The following ST18 variants were observed in gnomAD, a reference collection of about 807,000 sequenced individuals.
ST18 encodes the protein suppression of tumorigenicity 18 protein.
In ST18, 50 loss-of-function variants were observed where a neutral mutation model predicts 110.0. That is an observed-to-expected ratio of 0.45 (90% CI 0.36 to 0.58). ST18 has a LOEUF of 0.58. ST18 is among the 20% of genes least tolerant of loss of function. The pLI is 0.00. For synonymous variants in ST18, 461 were observed against 452.4 expected (o/e 1.02, Z -0.24); for missense variants, 1,306 against 1,280.1 (o/e 1.02, Z -0.31).
At chr8:52,273,241 G>A (rs574037039) in intron 2 of ST18, among the ~76,000 whole-genome samples, 166 of 152,260 alleles carry the variant, frequency 1.1e-3, no homozygotes, top group Middle Eastern at 6.8e-3. Flanking sequence ...TCTAAGCTGG[G>A]AATCGTGGAG....
intron 2 of ST18, among the ~76,000 whole-genome samples, chr8:52,298,852 A>G (rs989388971): frequency 7.2e-5 from 11 of 152,208 alleles, no homozygotes; most frequent in African/African-American, 2.4e-4. Context: ...CACAATGAAG[A>G]TAATCTCCCC....
Position 52,113,301 on chromosome 8 carries a change from T to C in ST18, c.3041A>G (p.Asn1014Ser), listed in dbSNP as rs749777353. The C allele has an allele frequency of 3.7e-6, 6 of 1,614,014 alleles. No individual in the cohort carries two copies. The highest frequency in any genetic ancestry group is 5.1e-6 in the Non-Finnish European group (6 of 1,179,908). Residue 1014 changes from asparagine (N) to serine (S), a missense_variant, in exon 26 of 26, where the codon AAT (asparagine) becomes AGT (serine). By Grantham distance (46) the Asn-to-Ser change is conservative. Coordinates refer to ENST00000689386, the MANE Select transcript of ST18 (RefSeq NM_001352837.2). ...ISEQNFEAYVNTLTDMYSNLE... is the reference protein window; with the variant it reads ...ISEQNFEAYVSTLTDMYSNLE... ...ATTGCTGTACATATCTGTGAGTGTA[T>C]TTACATATGCTTCAAAATTCTGCTC...
At chr8:52,182,696 T>G (rs2070282074) in intron 8 of ST18, among the ~76,000 whole-genome samples, 1 of 152,074 alleles carries the variant, frequency 6.6e-6, no homozygotes, top group Non-Finnish European at 1.5e-5. Context: ...GCAAGATGAA[T>G]TAGCTCTAGA....
intron 2 of ST18, chr8:52,294,411 T>C (rs2095600853): frequency 6.6e-6 from 1 of 152,288 alleles, no homozygotes; most frequent in African/African-American, 2.4e-5. Context: ...CAGGATGCTG[T>C]GGGTTCCCCT....
chr8:52,191,676 G>A (rs958794222), intron 8 of ST18, among the ~76,000 whole-genome samples: 5 of 152,194 alleles, frequency 3.3e-5, no homozygotes, highest in African/African-American at 1.2e-4. Context: ...CAACTTAAGG[G>A]TGAGTCTGAG....
intron 23 of ST18, 131 bp from the exon 24 acceptor site, chr8:52,118,572 T>G (rs1298728601): frequency 3.9e-6 from 2 of 518,620 alleles, no homozygotes; most frequent in Non-Finnish European, 6.6e-6. Flanking sequence ...AATGCATATC[T>G]AGGATTCTGA....
intron 17 of ST18, among the ~76,000 whole-genome samples, chr8:52,140,859 A>C (rs958481041): frequency 6.6e-6 from 1 of 152,182 alleles, no homozygotes; most frequent in Non-Finnish European, 1.5e-5. Flanking sequence ...TCAAAGGATA[A>C]AATTTTGCCA....
chr8:52,297,002 C>G (rs773065052), intron 2 of ST18, among the ~76,000 whole-genome samples: 22 of 152,124 alleles, frequency 1.4e-4, no homozygotes, highest in Non-Finnish European at 3.1e-4. Context: ...ATAAGAATTA[C>G]TAGTACTTAA....
At chr8:52,248,726 T>C (rs1365826495) in intron 2 of ST18, among the ~76,000 whole-genome samples, 1 of 152,150 alleles carries the variant, frequency 6.6e-6, no homozygotes, top group Non-Finnish European at 1.5e-5. Flanking sequence ...AGCAAGCAAA[T>C]AACCACTAAT....
intron 21 of ST18, among the ~76,000 whole-genome samples, chr8:52,132,728 C>T (rs1468538708): frequency 2.6e-5 from 4 of 152,158 alleles, no homozygotes; most frequent in African/African-American, 9.7e-5. Context: ...TATAATTTCA[C>T]CTTAAGCAAA....
At chr8:52,153,520 T>C (rs1367967102) in intron 15 of ST18, among the ~76,000 whole-genome samples, 1 of 152,250 alleles carries the variant, frequency 6.6e-6, no homozygotes, top group African/African-American at 2.4e-5. Flanking sequence ...GAAAATATCT[T>C]ACTCTTACTA....
intron 8 of ST18, among the ~76,000 whole-genome samples, chr8:52,184,708 T>C (rs2071292977): frequency 6.6e-6 from 1 of 152,196 alleles, no homozygotes; most frequent in South Asian, 2.1e-4. Flanking sequence ...AATGAAGTTT[T>C]CAGAAGTTAT....
At chr8:52,138,379 C>T (rs1419728155) in intron 17 of ST18, among the ~76,000 whole-genome samples, 1 of 152,202 alleles carries the variant, frequency 6.6e-6, no homozygotes, top group African/African-American at 2.4e-5. Context: ...GAATCTCACT[C>T]CATTAAGATG....
chr8:52,282,839 C>T lies in ST18; in HGVS notation c.-464-52762G>A, dbSNP rs189012938. Among the ~76,000 whole-genome samples, 18 of 152,020 alleles carry T rather than the reference C, an allele frequency of 1.2e-4. No homozygotes were observed. The East Asian group carries it at 3.1e-3, about 26-fold the overall frequency. ...GTATGGTGCCCAGTGCCTTCGGGAGCGGGGAGGAAGATGCAAGACCTTGGA... is the reference window on the plus strand; with the variant it reads ...GTATGGTGCCCAGTGCCTTCGGGAGTGGGGAGGAAGATGCAAGACCTTGGA... On this transcript the variant is annotated intron_variant, in intron 2 of 25. Transcript: ENST00000689386.
intron 2 of ST18, among the ~76,000 whole-genome samples, chr8:52,234,425 C>T (rs574220102): frequency 6.0e-4 from 92 of 152,104 alleles, no homozygotes; most frequent in African/African-American, 2.0e-3. Context: ...CCACCGCACC[C>T]GGCTATTTTT....
intron 5 of ST18, among the ~76,000 whole-genome samples, chr8:52,218,480 C>A (rs553789721): frequency 6.6e-6 from 1 of 150,602 alleles, no homozygotes; most frequent in African/African-American, 2.4e-5. Flanking sequence ...CTCTGCCTCC[C>A]GGGTTCAAGC....
chr8:52,371,818 G>T (rs558783379), intron 2 of ST18, among the ~76,000 whole-genome samples: 3 of 152,178 alleles, frequency 2.0e-5, no homozygotes, highest in African/African-American at 7.2e-5. Context: ...CATGCCTCAC[G>T]TGGGGATGCT....
chr8:52,327,753 T>C (rs1296052330), intron 2 of ST18, among the ~76,000 whole-genome samples: 1 of 152,174 alleles, frequency 6.6e-6, no homozygotes, highest in African/African-American at 2.4e-5. Context: ...CAATCAAAGC[T>C]AAACCCCATC....
At chr8:52,211,177 AC>A (rs1352060261) in intron 8 of ST18, among the ~76,000 whole-genome samples, 1 of 151,932 alleles carries the variant, frequency 6.6e-6, no homozygotes, top group Non-Finnish European at 1.5e-5. Flanking sequence ...CTTTAACTAT[AC>A]CCTGACAAAG....
Sources: allele counts gnomAD v4.1 joint callset (sites outside exome capture counted in the v4.1 genomes callset), GRCh38; gene constraint gnomAD v4.1.1; transcripts MANE v1.5; gene names NCBI Gene and HGNC (gene_info 2026-07-23, HGNC 2026-07-21).